The following CCT5 variants were observed in gnomAD, a reference collection of about 807,000 sequenced individuals.
CCT5 encodes the protein chaperonin containing TCP1 subunit 5, also known as T-complex protein 1 subunit epsilon.
A neutral mutation model predicts 55.0 loss-of-function variants in CCT5; 6 were observed. That is an observed-to-expected ratio of 0.11 (90% confidence interval 0.06 to 0.22). The LOEUF (loss-of-function observed/expected upper bound fraction) is 0.22. Among genes scored for constraint, CCT5 ranks in the 10% least tolerant of loss-of-function variants. The pLI, the probability that CCT5 is intolerant of heterozygous loss-of-function variation, is 1.00. For synonymous variants in CCT5, 231 were observed against 243.7 expected (o/e 0.95, Z 0.49); for missense variants, 560 against 694.6 (o/e 0.81, Z 2.18).
At chr5:10,261,851 A>G (rs1295507990) in intron 8 of CCT5, 106 bp downstream of exon 8, 1 of 914,226 alleles carries the variant, frequency 1.1e-6, no homozygotes, top group South Asian at 1.3e-5. Flanking sequence ...AAGAAAAATA[A>G]TCGTGGTTCT....
chr5:10,256,040 G>T lies in CCT5; in HGVS notation c.417G>T (p.Gln139His). ...HPIRIADGYEQAARVAIEHLD... is the reference protein window; with the variant it reads ...HPIRIADGYEHAARVAIEHLD... ...TCAGAATAGCCGATGGCTATGAGCAGGCTGCTCGTGTTGCTATTGAACACC... is the reference window on the plus strand; with the variant it reads ...TCAGAATAGCCGATGGCTATGAGCATGCTGCTCGTGTTGCTATTGAACACC... Residue 139 changes from glutamine (Q) to histidine (H), a missense_variant, in exon 4 of 11, where the codon CAG (glutamine) becomes CAT (histidine). Physicochemically the swap from Gln to His is conservative, Grantham distance 24. Transcript: ENST00000280326. The T allele has an allele frequency of 3.1e-6, 5 of 1,614,136 alleles. No homozygotes were observed. The highest frequency in any genetic ancestry group is 1.3e-5 in the African/African-American group (1 of 75,064).
rs555822064 is a variant in CCT5 at position 10,265,863 on chromosome 5, A to G, written c.*1080A>G. On this transcript the variant is annotated 3_prime_UTR_variant, in exon 11 of 11. Transcript: ENST00000280326. ...GATAAAGCTCATGATGAACTTTATC[A>G]CTAGTTATGCCACCTTAACTAGTCA... The G allele has an allele frequency of 6.6e-6, 1 of 152,168 alleles. No individual in the cohort carries two copies. The highest frequency in any genetic ancestry group is 1.5e-5 in the Non-Finnish European group (1 of 68,032). The allele number at this position is 152,168 out of a possible 1,614,324, so 9.4% of individuals were successfully genotyped here.
At chr5:10,250,650 G>A (rs1162917979) in intron 1 of CCT5, 3 of 1,418,494 alleles carry the variant, frequency 2.1e-6, no homozygotes, top group East Asian at 5.1e-5. Context: ...GAATGTGGGG[G>A]CCAGCCAGGC....
chr5:10,251,919 G>T (rs1745442523), intron 1 of CCT5, among the ~76,000 whole-genome samples: 1 of 152,172 alleles, frequency 6.6e-6, no homozygotes, highest in Non-Finnish European at 1.5e-5. Context: ...ATGCATTTGT[G>T]CCCAGAAGTC....
intron 3 of CCT5, chr5:10,255,124 G>A (rs935038693): frequency 2.3e-6 from 1 of 426,608 alleles, no homozygotes; most frequent in African/African-American, 2.0e-5. Flanking sequence ...AAACGTGGAA[G>A]AATTTGATTT....
rs1746052150 is a variant in CCT5 at position 10,263,196 on chromosome 5, G to A, written c.1380G>A (p.Met460Ile). 6.2e-7 allele frequency: 1 copy of A among 1,614,064 alleles called. No individual in the cohort carries two copies. The highest frequency in any genetic ancestry group is 8.5e-7 in the Non-Finnish European group (1 of 1,180,030). Residue 460 changes from methionine (M) to isoleucine (I), a missense_variant, in exon 10 of 11, where the codon ATG becomes ATA. This residue lies in a region of CCT5 where 115 missense variants were observed against 105.0 expected (regional missense o/e 1.10). Coordinates refer to ENST00000280326, the MANE Select transcript of CCT5 (RefSeq NM_012073.5). ...CCGACGCACTGGAGGTCATCCCCAT[G>A]GCCCTCTCTGAAAACAGTGGCATGA... ...AFADALEVIP[M>I]ALSENSGMNP... is the part of the protein sequence containing the mutation.
In CCT5 at chr5:10,256,016, C is replaced by T. The variant is rs1745655306; in HGVS notation, c.393C>T (p.Ile131=). 1 of 1,614,074 alleles carries T rather than the reference C, an allele frequency of 6.2e-7. No individual in the cohort carries two copies. The highest frequency in any genetic ancestry group is 1.1e-5 in the South Asian group (1 of 91,082). The change falls in exon 4 of 11, where the codon ATC becomes ATT. Residue 131 remains isoleucine, a synonymous_variant. Coordinates refer to ENST00000280326, the MANE Select transcript of CCT5 (RefSeq NM_012073.5). ...TGCTAGACCGAGGCATTCACCCAAT[C>T]AGAATAGCCGATGGCTATGAGCAGG... ...EQLLDRGIHP[I]RIADGYEQAA...
intron 10 of CCT5, 28 bp downstream of exon 10, chr5:10,263,342 AG>A (rs749663296): frequency 1.8e-3 from 88 of 48,158 alleles, no homozygotes; most frequent in Middle Eastern, 5.2e-3. Flanking sequence ...CTCTGCGTGG[AG>A]GGGGGGGGAT....
At chr5:10,264,371 T>G (rs1322848125) in intron 10 of CCT5, among the ~76,000 whole-genome samples, 1 of 152,208 alleles carries the variant, frequency 6.6e-6, no homozygotes, top group African/African-American at 2.4e-5. Flanking sequence ...ATGGATACTT[T>G]GTGGGATAAG....
intron 9 of CCT5, 62 bp downstream of exon 9, chr5:10,262,680 G>T: frequency 1.3e-6 from 2 of 1,580,670 alleles, no homozygotes; most frequent in Non-Finnish European, 1.7e-6. Flanking sequence ...AGACTGTGAA[G>T]CTGCGGAACA....
upstream of CCT5, chr5:10,250,208 G>A: frequency 6.4e-7 from 1 of 1,552,478 alleles, no homozygotes; most frequent in Non-Finnish European, 8.7e-7. Context: ...ATTAGTCTCA[G>A]TAGAAACATA....
chr5:10,263,442 G>C, intron 10 of CCT5, 128 bp downstream of exon 10: 2 of 845,852 alleles, frequency 2.4e-6, no homozygotes, highest in Non-Finnish European at 3.7e-6. Context: ...AGGTGTTCAA[G>C]TCCTGAATTT....
In CCT5 at chr5:10,250,321, G is replaced by A. The variant is rs1456122329; in HGVS notation, c.-20G>A. The A allele has an allele frequency of 1.2e-6, 2 of 1,613,938 alleles. No homozygotes were observed. The highest frequency in any genetic ancestry group is 1.7e-6 in the Non-Finnish European group (2 of 1,180,026). ...AGCGGTCTCCGCCGGTTGGGGGGAA[G>A]TAATTCCGGTTGTTGCACCATGGCG... On this transcript the variant is annotated 5_prime_UTR_variant, in exon 1 of 11. Transcript: ENST00000280326.
At chr5:10,263,479 G>T (rs546602422) in intron 10 of CCT5, among the ~76,000 whole-genome samples, 165 bp downstream of exon 10, 4 of 152,326 alleles carry the variant, frequency 2.6e-5, no homozygotes, top group South Asian at 4.1e-4. Context: ...CGTAGGAATT[G>T]GTTAGACTAC....
intron 2 of CCT5, 187 bp downstream of exon 2, chr5:10,254,392 CTT>C (rs57187607): frequency 0.11 from 56,298 of 500,440 alleles, 1 homozygote; most frequent in Non-Finnish European, 0.14. Context: ...TAGGTCGGAC[CTT>C]TTTTTTTTTT....
chr5:10,251,013 A>C (rs1745371440), intron 1 of CCT5: 1 of 316,618 alleles, frequency 3.2e-6, no homozygotes, highest in Non-Finnish European at 4.6e-6. Flanking sequence ...GTGCAGTGAG[A>C]AGGACAGCTA....
chr5:10,258,318 C>G lies in CCT5; in HGVS notation c.723+15C>G. 6.2e-7 allele frequency: 1 copy of G among 1,614,084 alleles called. No homozygotes were observed. The highest frequency in any genetic ancestry group is 8.5e-7 in the Non-Finnish European group (1 of 1,180,000). On this transcript the variant is annotated intron_variant, in intron 5 of 10. Coordinates refer to ENST00000280326, the MANE Select transcript of CCT5 (RefSeq NM_012073.5). ...AGATGCCAAAAGTGAGCCATTGCAT[C>G]TCACAGCTTCGCACTGTTGGTTAAC...
chr5:10,258,788 A>G (rs1362530512), intron 6 of CCT5, among the ~76,000 whole-genome samples: 1 of 152,212 alleles, frequency 6.6e-6, no homozygotes, highest in Non-Finnish European at 1.5e-5. Context: ...TCGTGAGATC[A>G]TCGAGACCAT....
In CCT5 at chr5:10,264,778, G is replaced by T; in HGVS notation, c.1621G>T (p.Glu541Ter). 1.9e-6 allele frequency: 3 copies of T among 1,611,156 alleles called. No individual in the cohort carries two copies. The highest frequency in any genetic ancestry group is 2.5e-6 in the Non-Finnish European group (3 of 1,177,252). Residue 541 changes from glutamate to a stop codon, truncating the protein, a stop_gained, in exon 11 of 11, where the codon GAA (glutamate) becomes TAA (stop). Coordinates refer to ENST00000280326, the MANE Select transcript of CCT5 (RefSeq NM_012073.5). LOFTEE classifies it high-confidence loss of function. ...DDIRKPGESEE is the reference protein window; with the variant it reads ...DDIRKPGESE ...CATTCGTAAGCCTGGAGAATCTGAA[G>T]AATGAAGACATTGAGAAAACTATGT... is the stretch of plus-strand genomic sequence containing the variant.
Sources: allele counts gnomAD v4.1 joint callset (sites outside exome capture counted in the v4.1 genomes callset), GRCh38; gene constraint gnomAD v4.1.1; regional missense constraint gnomAD v4.1.1; transcripts MANE v1.5; gene names NCBI Gene and HGNC (gene_info 2026-07-23, HGNC 2026-07-21).